The following RARB variants were observed in gnomAD, a reference collection of about 807,000 sequenced individuals.
RARB encodes retinoic acid receptor beta, also known as HBV-activated protein.
A neutral mutation model predicts 51.9 loss-of-function variants in RARB; 17 were observed. That is an observed-to-expected ratio of 0.33 (90% CI 0.22 to 0.49). RARB has a LOEUF of 0.49. Among genes scored for constraint, RARB ranks in the 20% least tolerant of loss-of-function variants. The pLI is 0.99. For synonymous variants in RARB, 215 were observed against 195.4 expected, an observed-to-expected ratio of 1.10 and a Z score of -0.84; for missense variants, 369 against 550.8, an observed-to-expected ratio of 0.67 and a Z score of 3.30.
At chr3:25,379,517 T>A (rs971573471) in intron 5 of RARB, among the ~76,000 whole-genome samples, 15 of 152,166 alleles carry the variant, frequency 9.9e-5, no homozygotes, top group Non-Finnish European at 2.2e-4. Context: ...GATTTAAGGA[T>A]AAAATGGTTA....
chr3:24,834,742 C>A (rs115967902), intron 1 of RARB, among the ~76,000 whole-genome samples: 2,193 of 152,222 alleles, frequency 0.014, 60 homozygotes, highest in African/African-American at 0.049. Flanking sequence ...GGGATAGAAG[C>A]AGTTTTATTC....
chr3:25,485,746 G>A (rs1190445475), intron 2 of RARB, among the ~76,000 whole-genome samples: 2 of 152,044 alleles, frequency 1.3e-5, no homozygotes, highest in African/African-American at 4.8e-5. Flanking sequence ...ATTGGAGAAA[G>A]CAGATGGAAA....
chr3:25,132,152 C>T (rs1699964517), intron 3 of RARB, among the ~76,000 whole-genome samples: 1 of 151,894 alleles, frequency 6.6e-6, no homozygotes, highest in Admixed American at 6.6e-5. Flanking sequence ...TTCCTCTCTT[C>T]TCCTCAAGGA....
At chr3:25,171,545 A>T (rs1175997373) in intron 4 of RARB, among the ~76,000 whole-genome samples, 1 of 132,136 alleles carries the variant, frequency 7.6e-6, no homozygotes, top group Non-Finnish European at 1.6e-5. Context: ...TCAACCAGAC[A>T]GGCAAGATGC....
chr3:25,001,867 C>G (rs911982937), intron 2 of RARB, among the ~76,000 whole-genome samples: 4 of 152,088 alleles, frequency 2.6e-5, no homozygotes, highest in African/African-American at 9.7e-5. Flanking sequence ...AACCTCTGCC[C>G]TCCAAGCTCA....
intron 2 of RARB, among the ~76,000 whole-genome samples, chr3:24,913,275 C>T (rs915335418): frequency 3.9e-5 from 6 of 151,940 alleles, no homozygotes; most frequent in Admixed American, 1.3e-4. Context: ...TGAGCCACCG[C>T]GCCCAGCCGG....
At chr3:24,829,781 T>G (rs1257926340) in intron 1 of RARB, among the ~76,000 whole-genome samples, 17 of 152,200 alleles carry the variant, frequency 1.1e-4, no homozygotes, top group Non-Finnish European at 1.5e-5. Flanking sequence ...GCTGGCAAGT[T>G]GCACCTGCCA....
intron 3 of RARB, among the ~76,000 whole-genome samples, chr3:25,533,672 T>C (rs935603095): frequency 2.0e-5 from 3 of 152,176 alleles, no homozygotes; most frequent in Non-Finnish European, 1.5e-5. Context: ...GCAGAAATCA[T>C]AAAACGATCC....
intron 2 of RARB, among the ~76,000 whole-genome samples, chr3:24,896,252 G>C (rs1317827052): frequency 6.6e-6 from 1 of 151,840 alleles, no homozygotes; most frequent in African/African-American, 2.4e-5. Flanking sequence ...AGAGATTTTT[G>C]GTGGTGGTGT....
intron 2 of RARB, among the ~76,000 whole-genome samples, chr3:24,992,274 A>G (rs1272193784): frequency 6.6e-6 from 1 of 152,114 alleles, no homozygotes; most frequent in Non-Finnish European, 1.5e-5. Context: ...TTCCTTGTTT[A>G]TGAGTAAGTT....
chr3:24,990,050 C>T lies in RARB; in HGVS notation c.-379-70075C>T, dbSNP rs1448356507. Reference sequence around the variant, plus strand: ...TCCTGACCTCATGATCCACCCGCCTCGGCCTCCCAAAGTCCTGGGATTACA... The same window carrying T: ...TCCTGACCTCATGATCCACCCGCCTTGGCCTCCCAAAGTCCTGGGATTACA... On this transcript the variant is annotated intron_variant, in intron 2 of 11. Coordinates refer to the RARB transcript ENST00000383772. Among the ~76,000 whole-genome samples the T allele has an allele frequency of 4.8e-5, 5 of 103,780 alleles. 2 individuals are homozygous for T. Among genetic ancestry groups the T allele is most frequent in the African/African-American group, 1.9e-4 (5 of 26,504 alleles). The allele number at this position is 103,780 out of a possible 152,430, so 68.1% of individuals were successfully genotyped here.
At chr3:25,328,760 A>G (rs1575316092) in intron 5 of RARB, among the ~76,000 whole-genome samples, 3 of 151,950 alleles carry the variant, frequency 2.0e-5, no homozygotes, top group African/African-American at 7.3e-5. Context: ...GGGTCAGGGA[A>G]CTCCCTTTCC....
chr3:24,978,980 T>TC (rs1442511918), intron 2 of RARB, among the ~76,000 whole-genome samples: 5 of 152,308 alleles, frequency 3.3e-5, no homozygotes, highest in African/African-American at 1.2e-4. Context: ...TCAAAGAACA[T>TC]CTTTATTTCT....
At position 25,460,792 on chromosome 3, in the gene RARB, A is replaced by G. The variant is rs139360800; in HGVS notation, c.158-401A>G. On this transcript the variant is annotated intron_variant, in intron 1 of 7. Coordinates refer to ENST00000330688, the MANE Select transcript of RARB (RefSeq NM_000965.5). ...ACAAGGTCAAGTCGTTTGAGATTCT[A>G]CATGAATCAGAAGCTACTGGGGTTT... Among the ~76,000 whole-genome samples the G allele has an allele frequency of 2.5e-3, 387 of 152,304 alleles. 5 individuals carry two copies. Among genetic ancestry groups the G allele is most frequent in the African/African-American group, 8.8e-3 (365 of 41,566 alleles).
rs56197612 is a variant in RARB, at chr3:25,597,651, A to AAAC, written c.*1037_*1039dup. 3.2e-5 allele frequency: 3 copies of AAAC among 93,730 alleles called. No homozygotes were observed. Among genetic ancestry groups the AAAC allele is most frequent in the African/African-American group, 9.2e-5 (3 of 32,666 alleles). 5.8% of individuals were successfully genotyped at this position (93,730 alleles called of 1,614,324 possible). A position where few individuals can be genotyped will look rare whatever the true frequency, so the allele number is the denominator to read the frequency against. ...TAATTAATATTAACAACTCCCAAAGAAACAGGCATAGAATCTGCCTCCTTT... is the reference window on the plus strand; with the variant it reads ...TAATTAATATTAACAACTCCCAAAGAAACAACAGGCATAGAATCTGCCTCCTTT... On this transcript the variant is annotated 3_prime_UTR_variant, in exon 8 of 8. Coordinates refer to ENST00000330688, the MANE Select transcript of RARB (RefSeq NM_000965.5).
intron 7 of RARB, 50 bp from the exon 8 acceptor site, chr3:25,596,370 A>G: frequency 6.9e-7 from 1 of 1,458,508 alleles, no homozygotes; most frequent in Non-Finnish European, 9.5e-7. Flanking sequence ...GTTATCTGTC[A>G]TAGCTTAACT....
At chr3:25,025,932 T>TA (rs1173525527) in intron 2 of RARB, among the ~76,000 whole-genome samples, 2 of 152,176 alleles carry the variant, frequency 1.3e-5, no homozygotes, top group Non-Finnish European at 1.5e-5. Context: ...TTTTATGGCT[T>TA]AAAAAATGCT....
chr3:25,146,432 A>G (rs771062716), intron 4 of RARB, among the ~76,000 whole-genome samples: 118 of 152,114 alleles, frequency 7.8e-4, no homozygotes, highest in Non-Finnish European at 1.5e-3. Flanking sequence ...ATCCCAATAA[A>G]AATTAATTTG....
chr3:25,153,158 G>GTGTGTGCA (rs1195494121), intron 4 of RARB, among the ~76,000 whole-genome samples: 1 of 151,952 alleles, frequency 6.6e-6, no homozygotes, highest in Non-Finnish European at 1.5e-5. Context: ...GTGTGTGTGT[G>GTGTGTGCA]TGCATGCGTG....
Sources: allele counts gnomAD v4.1 joint callset (sites outside exome capture counted in the v4.1 genomes callset), GRCh38; gene constraint gnomAD v4.1.1; transcripts MANE v1.5; gene names NCBI Gene and HGNC (gene_info 2026-07-23, HGNC 2026-07-21).